TCF20: variants seen among roughly 807,000 people sequenced by gnomAD.
The protein encoded by TCF20 is transcription factor 20, also known as SPRE-binding protein.
TCF20 carries 3 observed loss-of-function variants against 148.6 expected under a neutral mutation model. The observed-to-expected ratio is 0.02, with a 90% confidence interval of 0.01 to 0.05. The LOEUF is 0.05. TCF20 is among the 10% of genes least tolerant of loss of function. The pLI, the probability that TCF20 is intolerant of heterozygous loss-of-function variation, is 1.00. For missense variants in TCF20, 2,350 were observed against 2,429.3 expected, an observed-to-expected ratio of 0.97 and a Z score of 0.69; for synonymous variants, 1,049 against 909.5, an observed-to-expected ratio of 1.15 and a Z score of -2.76.
chr22:42,310,626 G>A (rs1927517987), intron 1 of TCF20, among the ~76,000 whole-genome samples: 2 of 152,222 alleles, frequency 1.3e-5, no homozygotes, highest in African/African-American at 4.8e-5. Context: ...CCGCATGGCT[G>A]GAATACAGTG....
intron 1 of TCF20, among the ~76,000 whole-genome samples, chr22:42,250,165 C>A (rs1489656588): frequency 6.6e-6 from 1 of 152,110 alleles, no homozygotes; most frequent in Non-Finnish European, 1.5e-5. Context: ...ACTGGCCAGG[C>A]ACGGTGGCTC....
chr22:42,175,167 G>A (rs961415908), intron 3 of TCF20, among the ~76,000 whole-genome samples: 6 of 152,148 alleles, frequency 3.9e-5, no homozygotes, highest in African/African-American at 1.4e-4. Flanking sequence ...TAATGAAAAT[G>A]AGAAAAGGCA....
chr22:42,204,618 G>A (rs911016661), intron 2 of TCF20, among the ~76,000 whole-genome samples: 2 of 152,230 alleles, frequency 1.3e-5, no homozygotes, highest in African/African-American at 2.4e-5. Flanking sequence ...GCTGAGGCAG[G>A]TGGATCACTT....
At position 42,209,637 on chromosome 22, in the gene TCF20, T is replaced by C. The variant is rs746522034; in HGVS notation, c.5655+14A>G. 2 of 1,566,614 alleles carry C rather than the reference T, an allele frequency of 1.3e-6. No individual in the cohort carries two copies. The highest frequency in any genetic ancestry group is 1.7e-6 in the Non-Finnish European group (2 of 1,158,238). The stretch of plus-strand genomic sequence containing the variant: ...ATAAAAATCCCAAGCTGGTAAGAGA[T>C]TTCTCATACTCACCATCTCTCTGGC... On this transcript the variant is annotated intron_variant, in intron 2 of 5. Coordinates refer to ENST00000677622, the MANE Select transcript of TCF20 (RefSeq NM_001378418.1).
chr22:42,320,446 C>A (rs940842528), intron 1 of TCF20, among the ~76,000 whole-genome samples: 2 of 152,214 alleles, frequency 1.3e-5, no homozygotes, highest in Non-Finnish European at 2.9e-5. Context: ...TCCTTCAGGT[C>A]TCTGACTCAA....
intron 2 of TCF20, among the ~76,000 whole-genome samples, chr22:42,198,589 T>C (rs948504462): frequency 5.3e-5 from 8 of 152,202 alleles, no homozygotes; most frequent in Non-Finnish European, 7.3e-5. Flanking sequence ...GCAAAGTTGT[T>C]ATACTTTCTC....
chr22:42,340,423 T>C (rs1174252091), intron 1 of TCF20, among the ~76,000 whole-genome samples: 1 of 152,190 alleles, frequency 6.6e-6, no homozygotes, highest in East Asian at 1.9e-4. Flanking sequence ...TTTCTGTCCA[T>C]TGAAAGGGAC....
At chr22:42,238,353 T>C (rs1250918109) in intron 1 of TCF20, among the ~76,000 whole-genome samples, 3 of 152,256 alleles carry the variant, frequency 2.0e-5, no homozygotes, top group Non-Finnish European at 4.4e-5. Context: ...CTTAAGGGAA[T>C]GTTGCGGCTG....
chr22:42,211,058 T>A lies in TCF20; in HGVS notation c.4248A>T (p.Leu1416=), dbSNP rs1449087450. The change falls in exon 2 of 6, where the codon CTA becomes CTT. Residue 1416 remains leucine, a synonymous_variant. Coordinates refer to ENST00000677622, the MANE Select transcript of TCF20 (RefSeq NM_001378418.1). Reference sequence around the variant, plus strand: ...GCAACTCCTGGTTTGCTGGACTGACTAGGTCCGAAGCCACCTCACCTTTTC... The same window carrying A: ...GCAACTCCTGGTTTGCTGGACTGACAAGGTCCGAAGCCACCTCACCTTTTC... The part of the protein sequence containing the change: ...EKRKGEVASD[L]VSPANQELHV... 1 of 1,614,150 alleles carries A rather than the reference T, an allele frequency of 6.2e-7. No homozygotes were observed. Among genetic ancestry groups the A allele is most frequent in the East Asian group, 2.2e-5 (1 of 44,874 alleles).
upstream of TCF20, among the ~76,000 whole-genome samples, chr22:42,273,079 G>A (rs1926679931): frequency 6.6e-6 from 1 of 152,116 alleles, no homozygotes; most frequent in Non-Finnish European, 1.5e-5. Context: ...GAGCTGCATA[G>A]GCCAGGCACA....
At chr22:42,280,835 A>T (rs1436973677) in intron 1 of TCF20, among the ~76,000 whole-genome samples, 2 of 152,184 alleles carry the variant, frequency 1.3e-5, no homozygotes, top group Non-Finnish European at 2.9e-5. Flanking sequence ...TGTGAGAATG[A>T]TCTCATGTAA....
intron 2 of TCF20, among the ~76,000 whole-genome samples, chr22:42,208,117 G>A (rs746273451): frequency 6.6e-6 from 1 of 152,184 alleles, no homozygotes; most frequent in Admixed American, 6.5e-5. Flanking sequence ...GTTGGAGGCT[G>A]CAGTGAGCCA....
At chr22:42,251,929 C>T (rs1337773724) in intron 1 of TCF20, among the ~76,000 whole-genome samples, 1 of 151,842 alleles carries the variant, frequency 6.6e-6, no homozygotes, top group Non-Finnish European at 1.5e-5. Flanking sequence ...TTAGGCCAGG[C>T]GCAGTGGCTC....
rs1601711991 is a variant in TCF20, at chr22:42,338,540, T to A, written c.-37+4939A>T. ...GCTGCGAGTGGAAGGGCTGGGAAAA[T>A]AATTACCGAGGAGGCCCGGGAGGGA... On this transcript the variant is annotated intron_variant, in intron 1 of 1. Transcript: ENST00000515426. The surrounding 1 kb of genome is among the most constrained non-coding windows in gnomAD (Gnocchi z 4.0). Among the ~76,000 whole-genome samples, 1 of 151,888 alleles carries A rather than the reference T, an allele frequency of 6.6e-6. No individual in the cohort carries two copies. Among genetic ancestry groups the A allele is most frequent in the African/African-American group, 2.4e-5 (1 of 41,400 alleles).
At chr22:42,321,381 C>G (rs1267800262) in intron 1 of TCF20, among the ~76,000 whole-genome samples, 1 of 152,234 alleles carries the variant, frequency 6.6e-6, no homozygotes, top group Non-Finnish European at 1.5e-5. Context: ...CAGCTCCACT[C>G]ACATGCCCAC....
At chr22:42,170,131 A>T (rs1210823969) in intron 3 of TCF20, among the ~76,000 whole-genome samples, 1 of 152,122 alleles carries the variant, frequency 6.6e-6, no homozygotes, top group Non-Finnish European at 1.5e-5. Context: ...CCCATGAAAC[A>T]AAACTGCTTG....
intron 1 of TCF20, among the ~76,000 whole-genome samples, chr22:42,266,199 C>T (rs921748107): frequency 1.3e-5 from 2 of 152,142 alleles, no homozygotes; most frequent in Non-Finnish European, 2.9e-5. Flanking sequence ...GGCTCTGGAG[C>T]CAACAGCAGG....
chr22:42,201,792 A>G (rs1222935700), intron 2 of TCF20, among the ~76,000 whole-genome samples: 1 of 152,028 alleles, frequency 6.6e-6, no homozygotes. Context: ...ACCAAACCAA[A>G]AAAACCCAAC....
At chr22:42,180,335 T>C (rs1441903166) in intron 2 of TCF20, among the ~76,000 whole-genome samples, 2 of 152,168 alleles carry the variant, frequency 1.3e-5, no homozygotes, top group African/African-American at 4.8e-5. Context: ...CTGCCATGAA[T>C]TTCTGGCTAA....
Sources: allele counts gnomAD v4.1 joint callset (sites outside exome capture counted in the v4.1 genomes callset), GRCh38; gene constraint gnomAD v4.1.1; non-coding constraint Gnocchi (gnomAD v3.1); transcripts MANE v1.5; gene names NCBI Gene and HGNC (gene_info 2026-07-23, HGNC 2026-07-21).